Variants in DYNC1I1 observed in about 807,000 individuals in gnomAD.
DYNC1I1 encodes cytoplasmic dynein 1 intermediate chain 1.
In DYNC1I1, 43 loss-of-function variants were observed where a neutral mutation model predicts 86.6. The ratio of observed to expected loss-of-function variants is 0.50; its 90% confidence interval spans 0.39 to 0.64. The LOEUF (loss-of-function observed/expected upper bound fraction) is 0.64. Among genes scored for constraint, DYNC1I1 ranks in the 30% least tolerant of loss-of-function variants. The pLI, the probability that DYNC1I1 is intolerant of heterozygous loss-of-function variation, is 0.00. For synonymous variants in DYNC1I1, 262 were observed against 283.7 expected, an observed-to-expected ratio of 0.92 and a Z score of 0.77; for missense variants, 604 against 788.8, an observed-to-expected ratio of 0.77 and a Z score of 2.81.
intron 5 of DYNC1I1, among the ~76,000 whole-genome samples, chr7:95,838,712 T>G (rs1789186863): frequency 6.6e-6 from 1 of 152,170 alleles, no homozygotes; most frequent in South Asian, 2.1e-4. Flanking sequence ...TTTTTTTTCA[T>G]AAATGCTTCA....
chr7:96,088,065 A>C (rs1790734356), intron 16 of DYNC1I1, among the ~76,000 whole-genome samples: 1 of 152,160 alleles, frequency 6.6e-6, no homozygotes, highest in African/African-American at 2.4e-5. Context: ...AGTACGTGTA[A>C]TAGCTGTGGC....
intron 14 of DYNC1I1, among the ~76,000 whole-genome samples, chr7:96,052,945 A>G (rs1231049946): frequency 6.6e-6 from 1 of 152,168 alleles, no homozygotes. Context: ...TTTGAACAAC[A>G]GTGATAGTGT....
At chr7:96,031,918 G>A (rs911280960) in intron 11 of DYNC1I1, among the ~76,000 whole-genome samples, 5 of 152,106 alleles carry the variant, frequency 3.3e-5, no homozygotes, top group Non-Finnish European at 7.4e-5. Context: ...CTGCAGAGTG[G>A]GATAACCCAC....
At chr7:95,828,954 C>T (rs539713878) in intron 5 of DYNC1I1, among the ~76,000 whole-genome samples, 25 of 152,246 alleles carry the variant, frequency 1.6e-4, no homozygotes, top group South Asian at 6.2e-4. Context: ...AAATCAGCCA[C>T]GGTGGAAGTA....
chr7:95,990,248 C>A (rs1435838425), intron 9 of DYNC1I1, among the ~76,000 whole-genome samples: 5 of 152,056 alleles, frequency 3.3e-5, no homozygotes. Context: ...TATCACATAC[C>A]ACGTGACAGT....
In DYNC1I1 at chr7:96,040,381, G is replaced by A. The variant is rs1165068003; in HGVS notation, c.1509+960G>A. 2.0e-5 allele frequency among the ~76,000 whole-genome samples: 3 copies of A among 152,224 alleles called. No individual in the cohort carries two copies. The East Asian group carries it at 5.8e-4, about 29-fold the overall frequency. On this transcript the variant is annotated intron_variant, in intron 14 of 16. Transcript: ENST00000447467. ...TGACAGTGACTTAAACCAGTAGTCT[G>A]AGATGGAGAGAAATAAATGCATTTG...
chr7:95,978,174 A>G (rs753590292), intron 7 of DYNC1I1, among the ~76,000 whole-genome samples: 12 of 152,188 alleles, frequency 7.9e-5, no homozygotes, highest in Non-Finnish European at 1.5e-4. Context: ...CACTCCTTAC[A>G]ACATCATTTT....
intron 6 of DYNC1I1, among the ~76,000 whole-genome samples, chr7:95,932,446 G>A (rs977175060): frequency 5.3e-5 from 8 of 152,132 alleles, no homozygotes; most frequent in Non-Finnish European, 1.0e-4. Context: ...CTAATTGCTG[G>A]GCAGGGACTA....
chr7:95,942,391 A>G (rs1202868430), intron 6 of DYNC1I1, among the ~76,000 whole-genome samples: 1 of 152,178 alleles, frequency 6.6e-6, no homozygotes, highest in Non-Finnish European at 1.5e-5. Context: ...TAGCTTACCA[A>G]CCAAAAAGAG....
At chr7:95,853,095 T>C (rs1348679142) in intron 5 of DYNC1I1, among the ~76,000 whole-genome samples, 2 of 152,196 alleles carry the variant, frequency 1.3e-5, no homozygotes, top group Non-Finnish European at 2.9e-5. Context: ...TGTTATTGAC[T>C]TCTAGTTTTA....
At chr7:95,863,921 A>C (rs1380744700) in intron 5 of DYNC1I1, among the ~76,000 whole-genome samples, 1 of 152,198 alleles carries the variant, frequency 6.6e-6, no homozygotes, top group African/African-American at 2.4e-5. Context: ...AGTTTTCATA[A>C]CATCCCAAAA....
intron 14 of DYNC1I1, among the ~76,000 whole-genome samples, chr7:96,072,428 T>G (rs891754019): frequency 3.3e-5 from 5 of 151,526 alleles, no homozygotes; most frequent in African/African-American, 7.3e-5. Flanking sequence ...GGTGAAGGGG[T>G]TTTTTTTTCT....
chr7:95,990,778 C>T (rs1793709138), intron 9 of DYNC1I1, among the ~76,000 whole-genome samples: 1 of 151,924 alleles, frequency 6.6e-6, no homozygotes, highest in African/African-American at 2.4e-5. Context: ...ACCTGTAATC[C>T]CAACACTTTG....
intron 16 of DYNC1I1, among the ~76,000 whole-genome samples, chr7:96,104,859 T>C (rs536423762): frequency 1.3e-5 from 2 of 152,252 alleles, no homozygotes; most frequent in African/African-American, 2.4e-5. Flanking sequence ...ATTCTAGGTC[T>C]TTTGTGTTTG....
At chr7:96,062,752 C>G (rs1287824507) in intron 14 of DYNC1I1, among the ~76,000 whole-genome samples, 1 of 152,196 alleles carries the variant, frequency 6.6e-6, no homozygotes, top group African/African-American at 2.4e-5. Context: ...CCCCATCTCA[C>G]CCTGTAGCCA....
chr7:95,872,459 T>G (rs927308156), intron 6 of DYNC1I1, among the ~76,000 whole-genome samples: 1 of 152,214 alleles, frequency 6.6e-6, no homozygotes, highest in Non-Finnish European at 1.5e-5. Flanking sequence ...TGGATTCTAG[T>G]GCATTCAAGT....
downstream of DYNC1I1, among the ~76,000 whole-genome samples, chr7:96,101,702 C>T (rs904098787): frequency 6.6e-6 from 1 of 152,148 alleles, no homozygotes; most frequent in South Asian, 2.1e-4. Context: ...TCCGTCATTC[C>T]TCCAATCCTT....
intron 5 of DYNC1I1, among the ~76,000 whole-genome samples, chr7:95,856,170 CT>C (rs1448726099): frequency 6.6e-6 from 1 of 151,632 alleles, no homozygotes; most frequent in Non-Finnish European, 1.5e-5. Context: ...CCTTTTTAAA[CT>C]TTTTTGTTAA....
intron 3 of DYNC1I1, among the ~76,000 whole-genome samples, chr7:95,810,830 TATTAA>T (rs1211797915): frequency 2.0e-5 from 3 of 152,126 alleles, no homozygotes; most frequent in Non-Finnish European, 2.9e-5. Flanking sequence ...TGGAATGTCT[TATTAA>T]ATTGTTCCTC....
Sources: gnomAD v4.1 joint callset for allele counts (sites outside exome capture counted in the v4.1 genomes callset) on GRCh38, gnomAD v4.1.1 for gene constraint, MANE v1.5 for transcripts, NCBI Gene and HGNC (gene_info 2026-07-23, HGNC 2026-07-21) for gene names.